The following CRKL variants were observed in gnomAD, a reference collection of about 807,000 sequenced individuals.
CRKL encodes the protein crk-like protein.
In CRKL, 3 loss-of-function variants were observed where a neutral mutation model predicts 23.0. That is an observed-to-expected ratio of 0.13 (90% CI 0.06 to 0.34). CRKL has a LOEUF of 0.34. Among genes scored for constraint, CRKL ranks in the 10% least tolerant of loss-of-function variants. The probability of loss-of-function intolerance (pLI) is 1.00; values close to 1 mark genes in which losing one functional copy is unlikely to be tolerated. For synonymous variants in CRKL, 188 were observed against 160.7 expected (o/e 1.17, Z -1.28); for missense variants, 256 against 394.5 (o/e 0.65, Z 2.97).
In CRKL at chr22:20,952,790, C is replaced by T. The variant is rs1404913719; in HGVS notation, c.*2945C>T. ...ATTGACTGGTTAAAAACTTGTGTAT[C>T]CCGGGAAGGACCTGCGGTACAGGAG... On this transcript the variant is annotated 3_prime_UTR_variant, in exon 3 of 3. Transcript: ENST00000354336. 4.3e-6 allele frequency: 1 copy of T among 231,898 alleles called. No individual in the cohort carries two copies. The highest frequency in any genetic ancestry group is 8.5e-6 in the Non-Finnish European group (1 of 117,320). 14.4% of individuals were successfully genotyped at this position (231,898 alleles called of 1,614,324 possible). A position where few individuals can be genotyped will look rare whatever the true frequency, so the allele number is the denominator to read the frequency against.
At chr22:20,937,321 G>A (rs1404215672) in intron 2 of CRKL, among the ~76,000 whole-genome samples, 1 of 151,914 alleles carries the variant, frequency 6.6e-6, no homozygotes, top group African/African-American at 2.4e-5. Context: ...CATAGGATTG[G>A]GGAGCTAGGA....
chr22:20,925,111 C>T (rs1253524907), intron 1 of CRKL, among the ~76,000 whole-genome samples: 1 of 146,398 alleles, frequency 6.8e-6, no homozygotes, highest in Non-Finnish European at 1.5e-5. Context: ...TCGCTTGAAC[C>T]TGGGAGGCAG....
Position 20,917,697 on chromosome 22 carries a change from C to G in CRKL, c.-238C>G, listed in dbSNP as rs375413960. ...GGGTTTGCCTGCCCCGACCCCCCGG[C>G]TCTGCCGTGCATTCCCGGGCGGCTC... On this transcript the variant is annotated 5_prime_UTR_variant, in exon 1 of 3. Coordinates refer to ENST00000354336, the MANE Select transcript of CRKL (RefSeq NM_005207.4). 45 of 549,600 alleles carry G rather than the reference C, an allele frequency of 8.2e-5. No homozygotes were observed. The highest frequency in any genetic ancestry group is 6.6e-4 in the African/African-American group (33 of 50,192). 34.0% of individuals were successfully genotyped at this position (549,600 alleles called of 1,614,324 possible).
At chr22:20,937,443 A>T (rs907517793) in intron 2 of CRKL, among the ~76,000 whole-genome samples, 12 of 147,426 alleles carry the variant, frequency 8.1e-5, no homozygotes, top group Non-Finnish European at 1.3e-4. Context: ...TGGCTCTAGG[A>T]TGTGTGTTTT....
chr22:20,953,095 A>C lies in CRKL; in HGVS notation c.*3250A>C, dbSNP rs1404315190. 3 of 232,048 alleles carry C rather than the reference A, an allele frequency of 1.3e-5. No individual in the cohort carries two copies. The highest frequency in any genetic ancestry group is 2.2e-5 in the African/African-American group (1 of 45,250). 14.4% of individuals were successfully genotyped at this position (232,048 alleles called of 1,614,324 possible). A position where few individuals can be genotyped will look rare whatever the true frequency, so the allele number is the denominator to read the frequency against. On this transcript the variant is annotated 3_prime_UTR_variant, in exon 3 of 3. Transcript: ENST00000354336. ...TTGCTCAGAGGAATATGAACATTTT[A>C]TTTTTGAAAAGGGATGATGTGGTTT...
intron 2 of CRKL, among the ~76,000 whole-genome samples, chr22:20,940,045 C>T (rs918852347): frequency 6.6e-6 from 1 of 152,174 alleles, no homozygotes; most frequent in African/African-American, 2.4e-5. Context: ...CCGCCTCAGC[C>T]TCCCAAAGTG....
chr22:20,926,160 A>C (rs1921195215), intron 1 of CRKL, among the ~76,000 whole-genome samples: 1 of 152,202 alleles, frequency 6.6e-6, no homozygotes, highest in African/African-American at 2.4e-5. Context: ...CACAGTTATA[A>C]TTAATGTAGA....
intron 2 of CRKL, among the ~76,000 whole-genome samples, chr22:20,946,750 C>T (rs1922072629): frequency 6.6e-6 from 1 of 152,052 alleles, no homozygotes; most frequent in Admixed American, 6.6e-5. Context: ...TTGATCTGCC[C>T]TCCACAGTGA....
rs1186195909 is a variant in CRKL at position 20,951,775 on chromosome 22, C to T, written c.*1930C>T. ...CCATCAGGCAGATAACTGCTGTATT[C>T]ATGAATCTTGAGAGTGTTCCTGAGA... On this transcript the variant is annotated 3_prime_UTR_variant, in exon 3 of 3. Transcript: ENST00000354336. The T allele has an allele frequency of 5.4e-5, 12 of 220,582 alleles. No homozygotes were observed. The highest frequency in any genetic ancestry group is 9.1e-6 in the Non-Finnish European group (1 of 110,260). The allele number at this position is 220,582 out of a possible 1,614,324, so 13.7% of individuals were successfully genotyped here. A position where few individuals can be genotyped will look rare whatever the true frequency, so the allele number is the denominator to read the frequency against.
intron 2 of CRKL, among the ~76,000 whole-genome samples, chr22:20,940,869 C>G (rs1287539675): frequency 6.6e-6 from 1 of 152,058 alleles, no homozygotes; most frequent in Non-Finnish European, 1.5e-5. Context: ...TGCTTCATTG[C>G]TTAGAATTAA....
chr22:20,929,399 TC>T (rs1468975478), intron 1 of CRKL, among the ~76,000 whole-genome samples: 1 of 152,084 alleles, frequency 6.6e-6, no homozygotes, highest in Non-Finnish European at 1.5e-5. Context: ...TCTCCTGACC[TC>T]TTGATCCGCC....
intron 1 of CRKL, among the ~76,000 whole-genome samples, chr22:20,931,589 G>C (rs938717594): frequency 1.3e-5 from 2 of 152,204 alleles, no homozygotes; most frequent in South Asian, 2.1e-4. Context: ...CTCATTATGA[G>C]TGAAGAGTTT....
chr22:20,917,608 C>T lies in CRKL; in HGVS notation c.-327C>T, dbSNP rs1929737494. ...CGCCGGCGCGTTCCAGGCCGGGAGT[C>T]ACTGGAGGCACCCCTGGGACGCCGA... On this transcript the variant is annotated 5_prime_UTR_variant, in exon 1 of 3. Coordinates refer to ENST00000354336, the MANE Select transcript of CRKL (RefSeq NM_005207.4). The T allele has an allele frequency of 2.7e-6, 1 of 372,070 alleles. No homozygotes were observed. Among genetic ancestry groups the T allele is most frequent in the Admixed American group, 4.5e-5 (1 of 22,086 alleles). The allele number at this position is 372,070 out of a possible 1,614,324, so 23.0% of individuals were successfully genotyped here.
rs532930393 is a variant in CRKL, at chr22:20,927,192, A to ATTTTTTTTTTTTTTTTTTTTTTTTTT, written c.312-6569_312-6568insTTTTTTTTTTTTTTTTTTTTTTTTTT. Among the ~76,000 whole-genome samples, 105 of 81,968 alleles carry ATTTTTTTTTTTTTTTTTTTTTTTTTT rather than the reference A, an allele frequency of 1.3e-3. 17 individuals carry two copies. Among genetic ancestry groups the ATTTTTTTTTTTTTTTTTTTTTTTTTT allele is most frequent in the African/African-American group, 4.1e-3 (69 of 16,968 alleles). 53.8% of individuals were successfully genotyped at this position (81,968 alleles called of 152,430 possible). ...AGTACTTAGCTCATCTTGGAATTGA[A>ATTTTTTTTTTTTTTTTTTTTTTTTTT]TTTTTTTTTTTTTTTTTTGAGACAG... On this transcript the variant is annotated intron_variant, in intron 1 of 2. Coordinates refer to ENST00000354336, the MANE Select transcript of CRKL (RefSeq NM_005207.4).
In CRKL at chr22:20,943,911, T is replaced by C. The variant is rs1050985826; in HGVS notation, c.778-5800T>C. ...TTCCATTGTTCTATATGTCTCTCCA[T>C]ATGCCAGCACCACACTGTTGATTAC... On this transcript the variant is annotated intron_variant, in intron 2 of 2. Transcript: ENST00000354336. Among the ~76,000 whole-genome samples, 3 of 152,208 alleles carry C rather than the reference T, an allele frequency of 2.0e-5. No homozygotes were observed. The East Asian group carries it at 5.8e-4, about 29-fold the overall frequency.
At chr22:20,923,538 A>G (rs1221799373) in intron 1 of CRKL, among the ~76,000 whole-genome samples, 2 of 150,370 alleles carry the variant, frequency 1.3e-5, no homozygotes, top group East Asian at 2.0e-4. Flanking sequence ...GGGCCTCCCA[A>G]AGTGCTGGGA....
Position 20,953,026 on chromosome 22 carries a change from A to G in CRKL, c.*3181A>G. 4.3e-6 allele frequency: 1 copy of G among 232,246 alleles called. No individual in the cohort carries two copies. The highest frequency in any genetic ancestry group is 1.8e-4 in the South Asian group (1 of 5,512). 14.4% of individuals were successfully genotyped at this position (232,246 alleles called of 1,614,324 possible). The stretch of plus-strand genomic sequence containing the variant: ...CTAGCTTTCCTTTACAGCTGTTTAC[A>G]GACAAGGCAGGCCTGAGGCAGATGG... On this transcript the variant is annotated 3_prime_UTR_variant, in exon 3 of 3. Coordinates refer to ENST00000354336, the MANE Select transcript of CRKL (RefSeq NM_005207.4).
chr22:20,931,540 C>T (rs1921453215), intron 1 of CRKL, among the ~76,000 whole-genome samples: 1 of 152,194 alleles, frequency 6.6e-6, no homozygotes, highest in African/African-American at 2.4e-5. Context: ...AATTCTCATA[C>T]ACCTGACAGA....
At chr22:20,928,254 C>A (rs1921305413) in intron 1 of CRKL, among the ~76,000 whole-genome samples, 1 of 150,592 alleles carries the variant, frequency 6.6e-6, no homozygotes, top group Non-Finnish European at 1.5e-5. Flanking sequence ...CCCAGGAGTT[C>A]AAGACCAGCC....
Sources: gnomAD v4.1 joint callset for allele counts (sites outside exome capture counted in the v4.1 genomes callset) on GRCh38, gnomAD v4.1.1 for gene constraint, MANE v1.5 for transcripts, NCBI Gene and HGNC (gene_info 2026-07-23, HGNC 2026-07-21) for gene names.